Variants in ZFYVE28 observed in about 807,000 individuals in gnomAD.
The protein encoded by ZFYVE28 is zinc finger FYVE-type containing 28.
In ZFYVE28, 40 loss-of-function variants were observed where a neutral mutation model predicts 82.1. The observed-to-expected ratio is 0.49, with a 90% CI of 0.38 to 0.63. The LOEUF (loss-of-function observed/expected upper bound fraction) is 0.63. Among genes scored for constraint, ZFYVE28 ranks in the 30% least tolerant of loss-of-function variants. The probability of loss-of-function intolerance (pLI) is 0.00; values close to 1 mark genes in which losing one functional copy is unlikely to be tolerated. For synonymous variants in ZFYVE28, 612 were observed against 546.1 expected (o/e 1.12, Z -1.68); for missense variants, 1,321 against 1,242.1 (o/e 1.06, Z -0.96).
Position 2,278,677 on chromosome 4 carries a change from T to C in ZFYVE28, c.2052-4461A>G, listed in dbSNP as rs77252012. Among the ~76,000 whole-genome samples, 1,247 of 151,860 alleles carry C rather than the reference T, an allele frequency of 8.2e-3. 15 individuals are homozygous for C. Among genetic ancestry groups the C allele is most frequent in the African/African-American group, 0.028 (1,166 of 41,384 alleles). On this transcript the variant is annotated intron_variant, in intron 8 of 12. Transcript: ENST00000290974. ...GAAGAGAAAACCCACAGAATAATTTTTGCAAATCATGTGTCTGATAAGGAC... is the reference window on the plus strand; with the variant it reads ...GAAGAGAAAACCCACAGAATAATTTCTGCAAATCATGTGTCTGATAAGGAC...
At chr4:2,350,281 G>A (rs377033186) in intron 2 of ZFYVE28, among the ~76,000 whole-genome samples, 1 of 152,040 alleles carries the variant, frequency 6.6e-6, no homozygotes, top group African/African-American at 2.4e-5. Flanking sequence ...TGGCTAACAT[G>A]GTGAAACCCC....
chr4:2,316,134 G>A (rs907609054), intron 7 of ZFYVE28: 2 of 152,462 alleles, frequency 1.3e-5, no homozygotes, highest in African/African-American at 2.4e-5. Flanking sequence ...CTTAGCTTTA[G>A]AATGTCATTT....
chr4:2,396,884 G>A (rs1418235011), intron 1 of ZFYVE28, among the ~76,000 whole-genome samples: 7 of 152,202 alleles, frequency 4.6e-5, no homozygotes, highest in African/African-American at 9.7e-5. Context: ...CGACTGACAC[G>A]GAGTCACTGG....
chr4:2,401,185 C>T (rs913955990), intron 1 of ZFYVE28, among the ~76,000 whole-genome samples: 1 of 152,198 alleles, frequency 6.6e-6, no homozygotes. Flanking sequence ...AGGGGGGCCC[C>T]GAAGGGGATG....
Position 2,417,061 on chromosome 4 carries a change from A to T in ZFYVE28, c.39+1224T>A, listed in dbSNP as rs1349778174. Among the ~76,000 whole-genome samples the T allele has an allele frequency of 6.6e-6, 1 of 152,144 alleles. No homozygotes were observed. Among genetic ancestry groups the T allele is most frequent in the African/African-American group, 2.4e-5 (1 of 41,428 alleles). ...TGCCGTGACAGCTCACCCACGGTGG[A>T]GGCGGAGGCCTGGGACGCTGGACGG... On this transcript the variant is annotated intron_variant, in intron 1 of 12. Coordinates refer to ENST00000290974, the MANE Select transcript of ZFYVE28 (RefSeq NM_020972.3). The surrounding 1 kb of genome is among the most constrained non-coding windows in gnomAD (Gnocchi z 4.8).
At chr4:2,283,030 C>T (rs1371675303) in intron 8 of ZFYVE28, among the ~76,000 whole-genome samples, 2 of 152,178 alleles carry the variant, frequency 1.3e-5, no homozygotes, top group Non-Finnish European at 2.9e-5. Flanking sequence ...ATTTGTACAA[C>T]CACATACCAA....
chr4:2,294,074 CTTT>C (rs58688626), intron 8 of ZFYVE28, among the ~76,000 whole-genome samples: 11 of 137,986 alleles, frequency 8.0e-5, no homozygotes, highest in Non-Finnish European at 1.6e-4. Context: ...TCCCAGCAGG[CTTT>C]TTTTTTTTTT....
At chr4:2,369,295 C>T (rs1727239521) in intron 1 of ZFYVE28, among the ~76,000 whole-genome samples, 1 of 152,202 alleles carries the variant, frequency 6.6e-6, no homozygotes, top group African/African-American at 2.4e-5. Context: ...AAGGGTCCCC[C>T]CTGCCACAGC....
At chr4:2,348,627 C>A (rs1184707470) in intron 2 of ZFYVE28, among the ~76,000 whole-genome samples, 1 of 152,080 alleles carries the variant, frequency 6.6e-6, no homozygotes, top group African/African-American at 2.4e-5. Context: ...TTTTAACATT[C>A]AAAAATCAAT....
rs1377928102 is a variant in ZFYVE28, at chr4:2,320,933, G to C, written c.702-662C>G. Among the ~76,000 whole-genome samples the C allele has an allele frequency of 6.6e-6, 1 of 152,154 alleles. No individual in the cohort carries two copies. The highest frequency in any genetic ancestry group is 2.4e-5 in the African/African-American group (1 of 41,434). On this transcript the variant is annotated intron_variant, in intron 6 of 12. Transcript: ENST00000290974. This position sits in a 1 kb window ranked among gnomAD's most constrained non-coding sequence, Gnocchi z 5.1. ...AGAGTCCGGCTCAAAGCCTGCTGAA[G>C]GACAAGCTTCCCAGATGCCACCTCC...
At chr4:2,368,507 T>C (rs990661110) in intron 1 of ZFYVE28, among the ~76,000 whole-genome samples, 2 of 101,864 alleles carry the variant, frequency 2.0e-5, no homozygotes, top group Non-Finnish European at 2.2e-5. Context: ...CCACACCTGT[T>C]AGCAGTCATC....
In ZFYVE28 at chr4:2,300,986, G is replaced by T. The variant is rs2108819027; in HGVS notation, c.2051+3303C>A. Reference sequence around the variant, plus strand: ...AGAATGGGAGGCGTAACCAAACACAGCCACACCTGTGCACACGACCGGCCT... The same window carrying T: ...AGAATGGGAGGCGTAACCAAACACATCCACACCTGTGCACACGACCGGCCT... On this transcript the variant is annotated intron_variant, in intron 8 of 12. Transcript: ENST00000290974. This position sits in a 1 kb window ranked among gnomAD's most constrained non-coding sequence, Gnocchi z 4.6. 6.6e-6 allele frequency among the ~76,000 whole-genome samples: 1 copy of T among 152,202 alleles called. No homozygotes were observed. Among genetic ancestry groups the T allele is most frequent in the Non-Finnish European group, 1.5e-5 (1 of 67,998 alleles).
intron 6 of ZFYVE28, among the ~76,000 whole-genome samples, chr4:2,327,630 C>T (rs1720083038): frequency 6.6e-6 from 1 of 151,972 alleles, no homozygotes; most frequent in Non-Finnish European, 1.5e-5. Context: ...ATCTAATTTG[C>T]TGAGTTTTTC....
intron 1 of ZFYVE28, among the ~76,000 whole-genome samples, chr4:2,388,138 C>T (rs1441095068): frequency 6.6e-6 from 1 of 152,242 alleles, no homozygotes; most frequent in Non-Finnish European, 1.5e-5. Flanking sequence ...CCCCAGTCCC[C>T]GTGCGAACCT....
intron 1 of ZFYVE28, among the ~76,000 whole-genome samples, chr4:2,393,979 G>A (rs569507911): frequency 6.1e-4 from 93 of 152,188 alleles, no homozygotes; most frequent in Middle Eastern, 3.2e-3. Context: ...GCAGGACCGC[G>A]TGCCTTCTGG....
intron 1 of ZFYVE28, among the ~76,000 whole-genome samples, chr4:2,388,830 G>A (rs3135092): frequency 0.61 from 93,189 of 151,914 alleles, 29,744 homozygotes; most frequent in East Asian, 0.73. Context: ...TCCCCTGCTG[G>A]GCTGGAGAGT....
intron 1 of ZFYVE28, 92 bp from the exon 2 acceptor site, chr4:2,354,165 C>T: frequency 7.7e-7 from 1 of 1,304,196 alleles, no homozygotes; most frequent in Non-Finnish European, 1.0e-6. Context: ...TGTGTGGGCT[C>T]AGCCTGGGAC....
intron 1 of ZFYVE28, among the ~76,000 whole-genome samples, chr4:2,389,435 C>T (rs539840860): frequency 6.6e-6 from 1 of 152,336 alleles, no homozygotes; most frequent in South Asian, 2.1e-4. Flanking sequence ...GTGTCCACCA[C>T]ATGAGGAGGC....
chr4:2,328,321 G>C (rs1720183448), intron 6 of ZFYVE28, among the ~76,000 whole-genome samples: 1 of 152,182 alleles, frequency 6.6e-6, no homozygotes, highest in South Asian at 2.1e-4. Context: ...AATACCATAT[G>C]TTCTCACTTA....
Sources: allele counts gnomAD v4.1 joint callset (sites outside exome capture counted in the v4.1 genomes callset), GRCh38; gene constraint gnomAD v4.1.1; non-coding constraint Gnocchi (gnomAD v3.1); transcripts MANE v1.5; gene names NCBI Gene and HGNC (gene_info 2026-07-23, HGNC 2026-07-21).